ATP2A3: variants seen among roughly 807,000 people sequenced by gnomAD.
The protein encoded by ATP2A3 is ATPase sarcoplasmic/endoplasmic reticulum Ca2+ transporting 3, also known as sarcoplasmic/endoplasmic reticulum calcium ATPase 3.
A neutral mutation model predicts 106.8 loss-of-function variants in ATP2A3; 61 were observed. That is an observed-to-expected ratio of 0.57 (90% CI 0.46 to 0.71). The LOEUF is 0.71. Ranked by LOEUF, ATP2A3 falls within the 30% of genes least tolerant of loss-of-function variation. The pLI is 0.00. For synonymous variants in ATP2A3, 611 were observed against 609.3 expected (o/e 1.00, Z -0.04); for missense variants, 1,201 against 1,423.5 (o/e 0.84, Z 2.52).
rs722844 is a variant in ATP2A3 at position 3,926,393 on chromosome 17, G to A, written c.2981-952C>T. Among the ~76,000 whole-genome samples, 1,721 of 152,220 alleles carry A rather than the reference G, an allele frequency of 0.011. 25 individuals are homozygous for A. The highest frequency in any genetic ancestry group is 0.039 in the African/African-American group (1,616 of 41,506). ...TCCACCCCACCCCTCAGATGGAGCC[G>A]CAGGTACCCAGCCTGTGTCTGTCCT... On this transcript the variant is annotated intron_variant, in intron 20 of 20. Transcript: ENST00000397041. This position sits in a 1 kb window ranked among gnomAD's most constrained non-coding sequence, Gnocchi z 4.6.
Position 3,925,330 on chromosome 17 carries a change from C to A in ATP2A3, c.*92G>T, listed in dbSNP as rs375181582. On this transcript the variant is annotated 3_prime_UTR_variant, in exon 21 of 21. Coordinates refer to ENST00000397041, the MANE Select transcript of ATP2A3 (RefSeq NM_005173.4). This position sits in a 1 kb window ranked among gnomAD's most constrained non-coding sequence, Gnocchi z 4.2. The stretch of plus-strand genomic sequence containing the variant: ...CGGCGGGACCCGGTGGGCAAGTGGG[C>A]GAGTGTGGTGGCAAGGGTGGGGGGC... 2.5e-6 allele frequency: 4 copies of A among 1,607,010 alleles called. No individual in the cohort carries two copies. The South Asian group carries it at 4.4e-5, about 18-fold the overall frequency.
chr17:3,946,575 A>G (rs1295250428), intron 8 of ATP2A3, among the ~76,000 whole-genome samples: 1 of 152,166 alleles, frequency 6.6e-6, no homozygotes, highest in African/African-American at 2.4e-5. Context: ...AAAAATCGCT[A>G]TTAGTCAAGA....
In ATP2A3 at chr17:3,951,567, C is replaced by T. The variant is rs745534198; in HGVS notation, c.324+14G>A. On this transcript the variant is annotated intron_variant, in intron 4 of 20. Coordinates refer to ENST00000397041, the MANE Select transcript of ATP2A3 (RefSeq NM_005173.4). ...GACCGCCCCCCGCCCGGTCCCACCC[C>T]CAGTGCCTCCCACCTGCCACACGCC... is the stretch of plus-strand genomic sequence containing the variant. The T allele has an allele frequency of 8.9e-6, 14 of 1,567,286 alleles. No homozygotes were observed. In the South Asian group the frequency reaches 1.4e-4, roughly 16 times the overall value.
intron 1 of ATP2A3, among the ~76,000 whole-genome samples, chr17:3,961,328 C>A (rs1190889319): frequency 1.3e-5 from 2 of 152,222 alleles, no homozygotes; most frequent in Non-Finnish European, 2.9e-5. Flanking sequence ...ACTCTGGGTA[C>A]CTCTGGCACC....
chr17:3,958,796 A>ATG (rs2054949272), intron 1 of ATP2A3, among the ~76,000 whole-genome samples: 2 of 147,072 alleles, frequency 1.4e-5, no homozygotes, highest in African/African-American at 5.0e-5. Context: ...ATATACACAT[A>ATG]TATATACACA....
chr17:3,941,010 G>A lies in ATP2A3; in HGVS notation c.2061C>T (p.Ile687=), dbSNP rs766538399. ...ARVEPAHKSR[I]VENLQSFNEI... is the part of the protein sequence containing the mutation. ...CGTTAAAGGACTGCAGGTTCTCCACGATGCGGGACTTGTGTGCGGGCTCCA... is the reference window on the plus strand; with the variant it reads ...CGTTAAAGGACTGCAGGTTCTCCACAATGCGGGACTTGTGTGCGGGCTCCA... Residue 687 remains isoleucine (I), a synonymous_variant, in exon 14 of 21, where the codon ATC becomes ATT. Coordinates refer to ENST00000397041, the MANE Select transcript of ATP2A3 (RefSeq NM_005173.4). The A allele has an allele frequency of 1.4e-5, 23 of 1,613,944 alleles. No individual in the cohort carries two copies. The highest frequency in any genetic ancestry group is 1.7e-5 in the Non-Finnish European group (20 of 1,179,842).
chr17:3,925,024 C>T lies in ATP2A3; in HGVS notation c.*398G>A. ...CCGTCAGTGCAGAGGCACCAGTCAC[C>T]AAGTGAACGTCCAGCTTCCGAACAA... On this transcript the variant is annotated 3_prime_UTR_variant, in exon 21 of 21. Transcript: ENST00000397041. The surrounding 1 kb of genome is among the most constrained non-coding windows in gnomAD (Gnocchi z 4.2). The T allele has an allele frequency of 2.4e-6, 1 of 408,188 alleles. No individual in the cohort carries two copies. 25.3% of individuals were successfully genotyped at this position (408,188 alleles called of 1,614,324 possible). A position where few individuals can be genotyped will look rare whatever the true frequency, so the allele number is the denominator to read the frequency against.
In ATP2A3 at chr17:3,930,289, C is replaced by A. The variant is rs763228999; in HGVS notation, c.2744+12G>T. The stretch of plus-strand genomic sequence containing the variant: ...TCCTCGGCCCCAGCTCCAGGCCCTG[C>A]GCCCAGCCTACCTGTTGAGGGCATT... On this transcript the variant is annotated intron_variant, in intron 18 of 20. Coordinates refer to ENST00000397041, the MANE Select transcript of ATP2A3 (RefSeq NM_005173.4). This position sits in a 1 kb window ranked among gnomAD's most constrained non-coding sequence, Gnocchi z 5.4. 12 of 1,564,488 alleles carry A rather than the reference C, an allele frequency of 7.7e-6. No individual in the cohort carries two copies. The South Asian group carries it at 1.4e-4, about 18-fold the overall frequency.
rs1035265476 is a variant in ATP2A3 at position 3,936,175 on chromosome 17, C to T, written c.2524+92G>A. The T allele has an allele frequency of 6.6e-7, 1 of 1,510,108 alleles. No individual in the cohort carries two copies. Among genetic ancestry groups the T allele is most frequent in the Non-Finnish European group, 9.2e-7 (1 of 1,086,970 alleles). 93.5% of individuals were successfully genotyped at this position (1,510,108 alleles called of 1,614,324 possible). A position where few individuals can be genotyped will look rare whatever the true frequency, so the allele number is the denominator to read the frequency against. On this transcript the variant is annotated intron_variant, in intron 16 of 20. Transcript: ENST00000397041. This position sits in a 1 kb window ranked among gnomAD's most constrained non-coding sequence, Gnocchi z 5.4. Reference sequence around the variant, plus strand: ...CTCATACAGTTTCTACTGGCACAAGCCAGGCTGAGTCACACTGTCTGCAGC... The same window carrying T: ...CTCATACAGTTTCTACTGGCACAAGTCAGGCTGAGTCACACTGTCTGCAGC...
chr17:3,962,416 T>C (rs2055191194), intron 1 of ATP2A3, among the ~76,000 whole-genome samples: 1 of 152,164 alleles, frequency 6.6e-6, no homozygotes, highest in African/African-American at 2.4e-5. Flanking sequence ...ACCTGGCACA[T>C]AGTAAGTGCT....
chr17:3,925,110 T>C lies in ATP2A3; in HGVS notation c.*312A>G. ...GGTGGGGGGGCCCCGGATCTCTGGG[T>C]ATGCTGCCAGCTCCGGCTTCTTGGC... On this transcript the variant is annotated 3_prime_UTR_variant, in exon 21 of 21. Transcript: ENST00000397041. This position sits in a 1 kb window ranked among gnomAD's most constrained non-coding sequence, Gnocchi z 4.2. 2 of 559,418 alleles carry C rather than the reference T, an allele frequency of 3.6e-6. No homozygotes were observed. The highest frequency in any genetic ancestry group is 6.4e-6 in the Non-Finnish European group (2 of 311,592). The allele number at this position is 559,418 out of a possible 1,614,324, so 34.7% of individuals were successfully genotyped here.
At chr17:3,937,079 C>T (rs529861708) in intron 15 of ATP2A3, 102 of 404,358 alleles carry the variant, frequency 2.5e-4, no homozygotes, top group African/African-American at 1.9e-3. Context: ...AATACACATT[C>T]GCACACGGAC....
chr17:3,935,509 G>C (rs2053387996), intron 16 of ATP2A3, among the ~76,000 whole-genome samples: 1 of 151,066 alleles, frequency 6.6e-6, no homozygotes, highest in African/African-American at 2.4e-5. Flanking sequence ...ACCCTATGTG[G>C]GCCAATGAGA....
At position 3,958,859 on chromosome 17, in the gene ATP2A3, T is replaced by TACAC. The variant is rs1235445714; in HGVS notation, c.119-5150_119-5149insGTGT. On this transcript the variant is annotated intron_variant, in intron 1 of 20. Transcript: ENST00000397041. ...ACACACACATATATAAATATATATATATATATATATACACACACACACACA... is the reference window on the plus strand; with the variant it reads ...ACACACACATATATAAATATATATATACACATATATATATACACACACACACACA... Among the ~76,000 whole-genome samples the TACAC allele has an allele frequency of 4.0e-4, 42 of 104,490 alleles. 1 individual carries two copies. Among genetic ancestry groups the TACAC allele is most frequent in the Middle Eastern group, 5.4e-3 (1 of 184 alleles). 68.5% of individuals were successfully genotyped at this position (104,490 alleles called of 152,430 possible). A position where few individuals can be genotyped will look rare whatever the true frequency, so the allele number is the denominator to read the frequency against.
chr17:3,931,523 CTTT>C (rs368874628), intron 17 of ATP2A3, among the ~76,000 whole-genome samples: 7 of 140,428 alleles, frequency 5.0e-5, no homozygotes, highest in Non-Finnish European at 7.9e-5. Context: ...GATCTTTTTT[CTTT>C]TTTTTTTTTT....
chr17:3,961,765 A>G (rs1367969800), intron 1 of ATP2A3, among the ~76,000 whole-genome samples: 2 of 152,118 alleles, frequency 1.3e-5, no homozygotes, highest in Non-Finnish European at 2.9e-5. Context: ...AGGAAGGATG[A>G]CTTGGTGTCT....
chr17:3,950,805 G>T, intron 5 of ATP2A3, 32 bp from the exon 6 acceptor site: 2 of 1,603,430 alleles, frequency 1.2e-6, no homozygotes. Context: ...GCTGAGGGTG[G>T]CTTTGGGCAC....
intron 3 of ATP2A3, among the ~76,000 whole-genome samples, chr17:3,952,906 T>C (rs2054534911): frequency 1.3e-5 from 2 of 152,326 alleles, no homozygotes; most frequent in South Asian, 2.1e-4. Flanking sequence ...AAAGACATTT[T>C]TGATGGTCAT....
chr17:3,931,523 CTTTTTTTT>C (rs368874628), intron 17 of ATP2A3, among the ~76,000 whole-genome samples: 6 of 140,470 alleles, frequency 4.3e-5, no homozygotes, highest in Non-Finnish European at 7.9e-5. Flanking sequence ...GATCTTTTTT[CTTTTTTTT>C]TTTTTTTTGA....
Sources: allele counts gnomAD v4.1 joint callset (sites outside exome capture counted in the v4.1 genomes callset), GRCh38; gene constraint gnomAD v4.1.1; non-coding constraint Gnocchi (gnomAD v3.1); transcripts MANE v1.5; gene names NCBI Gene and HGNC (gene_info 2026-07-23, HGNC 2026-07-21).